LOC400499: variants seen among roughly 807,000 people sequenced by gnomAD.
At chr16:11,472,014 G>A in the LOC400499 span, 1 of 392,612 alleles carries the variant, frequency 2.5e-6, no homozygotes, top group Non-Finnish European at 4.5e-6. Context: ...CTGACATTTG[G>A]GATCAGATCA....
the LOC400499 span, among the ~76,000 whole-genome samples, chr16:11,452,144 T>C: frequency 1.3e-5 from 2 of 151,990 alleles, no homozygotes; most frequent in African/African-American, 4.8e-5. Flanking sequence ...TAGATCACAG[T>C]TGTGATCTGG....
At chr16:11,407,140 G>C in the LOC400499 span, 3 of 398,442 alleles carry the variant, frequency 7.5e-6, no homozygotes, top group Admixed American at 4.4e-5. Context: ...TTTTCTCAAA[G>C]GGCTGTCCCA....
chr16:11,433,279 G>A, the LOC400499 span, among the ~76,000 whole-genome samples: 1 of 152,140 alleles, frequency 6.6e-6, no homozygotes, highest in African/African-American at 2.4e-5. Flanking sequence ...GGATAAGGAT[G>A]GGCAGTTGGA....
the LOC400499 span, among the ~76,000 whole-genome samples, chr16:11,450,259 C>T: frequency 6.6e-6 from 1 of 152,232 alleles, no homozygotes; most frequent in Non-Finnish European, 1.5e-5. Context: ...AGTCAGTAGT[C>T]GGCATCAAAC....
the LOC400499 span, among the ~76,000 whole-genome samples, chr16:11,506,459 C>A: frequency 3.5e-3 from 529 of 152,274 alleles, 4 homozygotes; most frequent in Middle Eastern, 0.031. Flanking sequence ...GAGTGTAAAC[C>A]GTCCTTAATA....
chr16:11,442,936 T>G, the LOC400499 span, among the ~76,000 whole-genome samples: 1 of 152,078 alleles, frequency 6.6e-6, no homozygotes, highest in Non-Finnish European at 1.5e-5. Context: ...GCAGCCTCGT[T>G]TAACTAATGG....
the LOC400499 span, chr16:11,414,206 G>A: frequency 4.2e-3 from 1,675 of 398,144 alleles, 7 homozygotes; most frequent in Non-Finnish European, 5.1e-3. Context: ...TGAAGCCTTT[G>A]TAAATTGTCA....
chr16:11,499,676 G>A, the LOC400499 span, among the ~76,000 whole-genome samples: 4 of 152,122 alleles, frequency 2.6e-5, no homozygotes, highest in South Asian at 8.3e-4. Context: ...ATCCTGGTAG[G>A]GTCCATTCTA....
chr16:11,450,824 C>G, the LOC400499 span: 12 of 1,524,914 alleles, frequency 7.9e-6, no homozygotes, highest in Admixed American at 1.8e-4. Context: ...AAGGCTCCTG[C>G]AAGCAACAAA....
chr16:11,400,599 CCCA>C, the LOC400499 span, among the ~76,000 whole-genome samples: 3 of 152,114 alleles, frequency 2.0e-5, no homozygotes, highest in Non-Finnish European at 4.4e-5. Flanking sequence ...CACCACCACA[CCCA>C]GCTAATTTTT....
At chr16:11,496,783 T>G in the LOC400499 span, among the ~76,000 whole-genome samples, 6 of 152,138 alleles carry the variant, frequency 3.9e-5, no homozygotes, top group African/African-American at 1.4e-4. Context: ...ACTGGGTGAG[T>G]GTCCTACTGT....
chr16:11,403,872 C>A, the LOC400499 span, among the ~76,000 whole-genome samples: 1 of 152,310 alleles, frequency 6.6e-6, no homozygotes, highest in East Asian at 1.9e-4. Flanking sequence ...CACGCCCTGG[C>A]CCCTTCTCCC....
the LOC400499 span, chr16:11,462,188 C>T: frequency 3.1e-5 from 48 of 1,534,644 alleles, 1 homozygote; most frequent in Middle Eastern, 3.3e-4. Flanking sequence ...GCCCACCTGC[C>T]GTGTGAGGTT....
the LOC400499 span, among the ~76,000 whole-genome samples, chr16:11,393,154 A>ACC: frequency 9.5e-4 from 123 of 129,366 alleles, 2 homozygotes; most frequent in African/African-American, 3.4e-3. Flanking sequence ...ACGCCTGGCC[A>ACC]CCCCCCCCCC....
the LOC400499 span, chr16:11,431,242 G>A: frequency 2.5e-6 from 1 of 399,152 alleles, no homozygotes; most frequent in Non-Finnish European, 4.4e-6. Context: ...AGGCAGCGAA[G>A]TAAGGGGGTT....
chr16:11,431,017 G>GTGT, the LOC400499 span: 1 of 399,076 alleles, frequency 2.5e-6, no homozygotes, highest in Non-Finnish European at 4.4e-6. Context: ...TGCCCCCATG[G>GTGT]CGTTCCCCAG....
chr16:11,496,248 G>A, the LOC400499 span, among the ~76,000 whole-genome samples: 1 of 151,880 alleles, frequency 6.6e-6, no homozygotes, highest in Non-Finnish European at 1.5e-5. Context: ...TGTATTTTTA[G>A]TAGAGATGGG....
the LOC400499 span, among the ~76,000 whole-genome samples, chr16:11,440,192 G>A: frequency 1.4e-3 from 207 of 152,178 alleles, no homozygotes; most frequent in African/African-American, 4.7e-3. Context: ...ACACGTCCAC[G>A]GATGAACAAA....
the LOC400499 span, chr16:11,508,775 C>T: frequency 2.5e-6 from 1 of 399,014 alleles, no homozygotes; most frequent in African/African-American, 2.1e-5. Context: ...GCGGTGGCCA[C>T]CATGGCCTGG....
Sources: gnomAD v4.1 joint callset for allele counts (sites outside exome capture counted in the v4.1 genomes callset) on GRCh38, gnomAD v4.1.1 for gene constraint, MANE v1.5 for transcripts.